Variants in GALNTL6 observed in about 807,000 individuals in gnomAD.
GALNTL6 encodes polypeptide N-acetylgalactosaminyltransferase like 6.
In GALNTL6, 46 loss-of-function variants were observed where a neutral mutation model predicts 73.7. The ratio of observed to expected loss-of-function variants is 0.62; its 90% CI spans 0.49 to 0.80. GALNTL6 has a LOEUF of 0.80. Ranked by LOEUF, GALNTL6 falls within the 30% of genes least tolerant of loss-of-function variation. The probability of loss-of-function intolerance (pLI) is 0.00; values close to 1 mark genes in which losing one functional copy is unlikely to be tolerated. For synonymous variants in GALNTL6, 259 were observed against 263.7 expected (o/e 0.98, Z 0.17); for missense variants, 604 against 755.0 (o/e 0.80, Z 2.34).
chr4:172,198,279 CAA>C (rs71592054), intron 2 of GALNTL6, among the ~76,000 whole-genome samples: 1 of 143,552 alleles, frequency 7.0e-6, no homozygotes, highest in Admixed American at 7.0e-5. Flanking sequence ...ATCTGCACAT[CAA>C]AAAAAAAAAT....
chr4:172,311,776 C>G (rs1561020501), intron 4 of GALNTL6, 24 bp downstream of exon 4: 3 of 1,495,022 alleles, frequency 2.0e-6, no homozygotes. Flanking sequence ...TATCAGTGAT[C>G]AGGGTGGGTT....
intron 12 of GALNTL6, among the ~76,000 whole-genome samples, chr4:173,024,176 A>G (rs186235048): frequency 7.9e-5 from 12 of 152,198 alleles, no homozygotes; most frequent in Non-Finnish European, 1.8e-4. Flanking sequence ...TTCAAGGGGA[A>G]ACTCTTATGA....
intron 2 of GALNTL6, among the ~76,000 whole-genome samples, chr4:171,834,056 A>G (rs958820812): frequency 6.6e-6 from 1 of 151,904 alleles, no homozygotes; most frequent in Non-Finnish European, 1.5e-5. Context: ...ACTTATTAAA[A>G]AAACATTTTT....
Position 172,845,216 on chromosome 4 carries a change from C to CAAAAAA in GALNTL6, c.923+31506_923+31511dup, listed in dbSNP as rs11336973. On this transcript the variant is annotated intron_variant, in intron 7 of 12. Transcript: ENST00000506823. ...CTGGTGGCAGAGCGAGTCTCTGTCTCAAAAAAAAAAAAAAAAAAGAAAAAG... is the reference window on the plus strand; with the variant it reads ...CTGGTGGCAGAGCGAGTCTCTGTCTCAAAAAAAAAAAAAAAAAAAAAAAAGAAAAAG... 5.5e-3 allele frequency among the ~76,000 whole-genome samples: 498 copies of CAAAAAA among 90,978 alleles called. 4 individuals are homozygous for CAAAAAA. The highest frequency in any genetic ancestry group is 0.017 in the African/African-American group (450 of 25,968). 59.7% of individuals were successfully genotyped at this position (90,978 alleles called of 152,430 possible). A position where few individuals can be genotyped will look rare whatever the true frequency, so the allele number is the denominator to read the frequency against.
At chr4:172,201,568 G>T (rs560716010) in intron 2 of GALNTL6, among the ~76,000 whole-genome samples, 126 of 151,614 alleles carry the variant, frequency 8.3e-4, no homozygotes, top group Middle Eastern at 3.4e-3. Flanking sequence ...CACTCGTAAA[G>T]GTCTCTATTG....
At chr4:172,884,185 G>C (rs781780079) in intron 8 of GALNTL6, among the ~76,000 whole-genome samples, 1 of 152,022 alleles carries the variant, frequency 6.6e-6, no homozygotes, top group Non-Finnish European at 1.5e-5. Flanking sequence ...GTATTTTGAG[G>C]ACGCTCCATA....
chr4:172,864,551 G>A (rs887480599), intron 7 of GALNTL6, among the ~76,000 whole-genome samples: 3 of 152,164 alleles, frequency 2.0e-5, no homozygotes, highest in Non-Finnish European at 4.4e-5. Context: ...TTATATAACA[G>A]TTTGCTGTTT....
intron 5 of GALNTL6, among the ~76,000 whole-genome samples, chr4:172,458,528 A>T (rs1346693184): frequency 6.6e-6 from 1 of 152,140 alleles, no homozygotes; most frequent in Non-Finnish European, 1.5e-5. Context: ...AATAAAAATG[A>T]TAAAGGGGAT....
chr4:172,072,570 A>G (rs1287247625), intron 2 of GALNTL6, among the ~76,000 whole-genome samples: 2 of 152,144 alleles, frequency 1.3e-5, no homozygotes, highest in Non-Finnish European at 2.9e-5. Flanking sequence ...AACTATTCAG[A>G]TCTACCTCAC....
At chr4:172,962,058 T>G (rs1428645160) in intron 10 of GALNTL6, among the ~76,000 whole-genome samples, 1 of 152,010 alleles carries the variant, frequency 6.6e-6, no homozygotes, top group Non-Finnish European at 1.5e-5. Flanking sequence ...AAAGGAAAAT[T>G]ACAGTCAAAG....
intron 7 of GALNTL6, among the ~76,000 whole-genome samples, chr4:172,870,063 C>A (rs903698292): frequency 7.3e-6 from 1 of 136,750 alleles, no homozygotes; most frequent in Non-Finnish European, 1.6e-5. Context: ...TCATCATCAT[C>A]ATCATCATCA....
intron 5 of GALNTL6, among the ~76,000 whole-genome samples, chr4:172,740,854 C>T (rs1458082378): frequency 6.6e-6 from 1 of 151,930 alleles, no homozygotes; most frequent in Admixed American, 6.6e-5. Context: ...TGTGAGTTAC[C>T]GTGCTATTGG....
At chr4:172,434,323 T>C (rs1219287495) in intron 5 of GALNTL6, among the ~76,000 whole-genome samples, 6 of 152,140 alleles carry the variant, frequency 3.9e-5, no homozygotes, top group Non-Finnish European at 1.5e-5. Context: ...CTTAGTTATC[T>C]GTCACCAATT....
At chr4:172,619,109 G>T (rs1232300934) in intron 5 of GALNTL6, among the ~76,000 whole-genome samples, 1 of 152,074 alleles carries the variant, frequency 6.6e-6, no homozygotes, top group Non-Finnish European at 1.5e-5. Flanking sequence ...TGGGAGAAGA[G>T]TCTTTTTTTT....
intron 10 of GALNTL6, among the ~76,000 whole-genome samples, chr4:172,997,701 T>G (rs1751858843): frequency 6.6e-6 from 1 of 152,040 alleles, no homozygotes. Flanking sequence ...TGCAGTAAGA[T>G]AGAGGGAGTA....
At chr4:172,022,407 C>G (rs1741433134) in intron 2 of GALNTL6, among the ~76,000 whole-genome samples, 1 of 151,932 alleles carries the variant, frequency 6.6e-6, no homozygotes, top group Admixed American at 6.6e-5. Context: ...GTAAATAATA[C>G]TAATACATCA....
intron 2 of GALNTL6, among the ~76,000 whole-genome samples, chr4:172,035,865 G>A (rs1464725410): frequency 4.6e-5 from 7 of 152,110 alleles, no homozygotes; most frequent in East Asian, 1.9e-4. Flanking sequence ...TATGATTTCT[G>A]GCACACATAT....
chr4:172,532,778 T>C (rs1469003634), intron 5 of GALNTL6, among the ~76,000 whole-genome samples: 1 of 152,098 alleles, frequency 6.6e-6, no homozygotes, highest in Non-Finnish European at 1.5e-5. Context: ...CATGGCTTTG[T>C]TTTTGTGTTT....
chr4:172,758,404 C>T (rs774821867), intron 5 of GALNTL6, among the ~76,000 whole-genome samples: 38 of 152,106 alleles, frequency 2.5e-4, no homozygotes, highest in Admixed American at 6.5e-4. Flanking sequence ...GGCATGGTGG[C>T]GAGCACCTGT....
Sources: gnomAD v4.1 joint callset for allele counts (sites outside exome capture counted in the v4.1 genomes callset) on GRCh38, gnomAD v4.1.1 for gene constraint, MANE v1.5 for transcripts, NCBI Gene and HGNC (gene_info 2026-07-23, HGNC 2026-07-21) for gene names.